The following DPP9 variants were observed in gnomAD, a reference collection of about 807,000 sequenced individuals.
The protein encoded by DPP9 is dipeptidyl peptidase 9, also known as dipeptidyl peptidase IV-related protein-2.
Under a neutral mutation model 110.7 loss-of-function variants are expected in DPP9, and 50 were observed. That is an observed-to-expected ratio of 0.45 (90% confidence interval 0.36 to 0.57). The LOEUF (loss-of-function observed/expected upper bound fraction) is 0.57. Ranked by LOEUF, DPP9 falls within the 20% of genes least tolerant of loss-of-function variation. DPP9 has a pLI of 0.00. For missense variants in DPP9, 1,022 were observed against 1,217.9 expected, an observed-to-expected ratio of 0.84 and a Z score of 2.39; for synonymous variants, 561 against 514.4, an observed-to-expected ratio of 1.09 and a Z score of -1.23.
Position 4,698,077 on chromosome 19 carries a change from C to T in DPP9, c.1075-426G>A, listed in dbSNP as rs2091949125. Among the ~76,000 whole-genome samples the T allele has an allele frequency of 6.6e-6, 1 of 151,264 alleles. No individual in the cohort carries two copies. The highest frequency in any genetic ancestry group is 2.1e-4 in the South Asian group (1 of 4,758). Reference sequence around the variant, plus strand: ...CATGGCCCAAACAAATGACTACACCCAACAGGGGCAGGTGGGCTGGGCAAG... The same window carrying T: ...CATGGCCCAAACAAATGACTACACCTAACAGGGGCAGGTGGGCTGGGCAAG... On this transcript the variant is annotated intron_variant, in intron 10 of 21. Coordinates refer to ENST00000262960, the MANE Select transcript of DPP9 (RefSeq NM_139159.5). The surrounding 1 kb of genome is among the most constrained non-coding windows in gnomAD (Gnocchi z 4.2).
In DPP9 at chr19:4,703,876, C is replaced by T; in HGVS notation, c.769+10G>A. On this transcript the variant is annotated intron_variant, in intron 7 of 21. Coordinates refer to ENST00000262960, the MANE Select transcript of DPP9 (RefSeq NM_139159.5). ...CTATGGTGGCCGTGCACAGGAGGGGCTGGCCCCACCTTGGTGGCAGAAGGT... is the reference window on the plus strand; with the variant it reads ...CTATGGTGGCCGTGCACAGGAGGGGTTGGCCCCACCTTGGTGGCAGAAGGT... 1.3e-6 allele frequency: 2 copies of T among 1,594,088 alleles called. No individual in the cohort carries two copies. Among genetic ancestry groups the T allele is most frequent in the Non-Finnish European group, 1.7e-6 (2 of 1,171,082 alleles).
In DPP9 at chr19:4,676,511, C is replaced by T. The variant is rs1286027985; in HGVS notation, c.*53G>A. On this transcript the variant is annotated 3_prime_UTR_variant, in exon 22 of 22. Coordinates refer to ENST00000262960, the MANE Select transcript of DPP9 (RefSeq NM_139159.5). This position sits in a 1 kb window ranked among gnomAD's most constrained non-coding sequence, Gnocchi z 4.0. ...ACTCAGTCCCTCCCGCCTGGTTCCCCGCGGAGGCTGCAGCCACTTGTGCTG... is the reference window on the plus strand; with the variant it reads ...ACTCAGTCCCTCCCGCCTGGTTCCCTGCGGAGGCTGCAGCCACTTGTGCTG... 4.0e-6 allele frequency: 6 copies of T among 1,485,386 alleles called. No homozygotes were observed. The South Asian group carries it at 4.8e-5, about 12-fold the overall frequency. The allele number at this position is 1,485,386 out of a possible 1,614,324, so 92.0% of individuals were successfully genotyped here.
rs1041615735 is a variant in DPP9, at chr19:4,682,019, T to G, written c.2474+677A>C. Among the ~76,000 whole-genome samples, 2 of 151,844 alleles carry G rather than the reference T, an allele frequency of 1.3e-5. No individual in the cohort carries two copies. The highest frequency in any genetic ancestry group is 2.9e-5 in the Non-Finnish European group (2 of 67,964). On this transcript the variant is annotated intron_variant, in intron 20 of 21. Transcript: ENST00000262960. This position sits in a 1 kb window ranked among gnomAD's most constrained non-coding sequence, Gnocchi z 7.1. ...ACCCGCCACCACACCCGGCTAATTT[T>G]TTGTATTTTTAGTAGAGACGGGGTT...
rs548509186 is a variant in DPP9 at position 4,683,035 on chromosome 19, G to A, written c.2332-197C>T. On this transcript the variant is annotated intron_variant, in intron 19 of 21. Transcript: ENST00000262960. ...TGCGTGGCATGGGGGTGGGCAGGGC[G>A]CCACAGGCGGGCAGGTGCGGCCCCT... 48 of 1,517,042 alleles carry A rather than the reference G, an allele frequency of 3.2e-5. 1 individual carries two copies. The Middle Eastern group carries it at 6.6e-4, about 21-fold the overall frequency. The allele number at this position is 1,517,042 out of a possible 1,614,324, so 94.0% of individuals were successfully genotyped here.
chr19:4,682,540 A>T lies in DPP9; in HGVS notation c.2474+156T>A, dbSNP rs2145357105. On this transcript the variant is annotated intron_variant, in intron 20 of 21. Transcript: ENST00000262960. The surrounding 1 kb of genome is among the most constrained non-coding windows in gnomAD (Gnocchi z 7.1). The stretch of plus-strand genomic sequence containing the variant: ...AGGGGACTGTGAGGCACATGCAGGC[A>T]GACGCCACCACAGGAGCACAGCGGG... Among the ~76,000 whole-genome samples, 1 of 152,298 alleles carries T rather than the reference A, an allele frequency of 6.6e-6. No homozygotes were observed. Among genetic ancestry groups the T allele is most frequent in the South Asian group, 2.1e-4 (1 of 4,828 alleles).
chr19:4,719,885 G>T lies in DPP9; in HGVS notation c.22C>A (p.Arg8Ser). 6.4e-7 allele frequency: 1 copy of T among 1,551,716 alleles called. No individual in the cohort carries two copies. Among genetic ancestry groups the T allele is most frequent in the Non-Finnish European group, 8.7e-7 (1 of 1,146,996 alleles). ...CTTCCGGTGTTCTCCTTGTCCAGGC[G>T]CAGTTTCTTAACCTTCCGCATTAAC... The part of the protein sequence containing the change: MRKVKKL[R>S]LDKENTGSWR... Residue 8 changes from arginine to serine, a missense_variant, in exon 3 of 22, where the codon CGC becomes AGC. Around this residue, in one of 3 missense-constraint regions of DPP9, gnomAD observed 810 missense variants for 920.6 expected, o/e 0.88. Transcript: ENST00000262960.
chr19:4,675,354 CT>C lies in DPP9; in HGVS notation c.*1209del, dbSNP rs997141933. ...TGGTTTGTTTCTTTTTTTTTTTTTT[CT>C]TTTCTTTTTACTTTTTTTTTTGCCC... On this transcript the variant is annotated 3_prime_UTR_variant, in exon 22 of 22. Coordinates refer to ENST00000262960, the MANE Select transcript of DPP9 (RefSeq NM_139159.5). 2.9e-5 allele frequency: 3 copies of C among 104,388 alleles called. No individual in the cohort carries two copies. The highest frequency in any genetic ancestry group is 1.1e-4 in the African/African-American group (3 of 28,050). 6.5% of individuals were successfully genotyped at this position (104,388 alleles called of 1,614,324 possible). A position where few individuals can be genotyped will look rare whatever the true frequency, so the allele number is the denominator to read the frequency against.
intron 3 of DPP9, among the ~76,000 whole-genome samples, chr19:4,715,198 T>C (rs1489642730): frequency 3.3e-5 from 5 of 151,880 alleles, no homozygotes; most frequent in Non-Finnish European, 1.5e-5. Flanking sequence ...GTTTTTTGTA[T>C]TTTTAGTAGA....
In DPP9 at chr19:4,714,130, C is replaced by A. The variant is rs777678684; in HGVS notation, c.264G>T (p.Val88=). 8 of 1,613,566 alleles carry A rather than the reference C, an allele frequency of 5.0e-6. No homozygotes were observed. Among genetic ancestry groups the A allele is most frequent in the Admixed American group, 3.3e-5 (2 of 60,006 alleles). The change falls in exon 4 of 22, where the codon GTG becomes GTT. Residue 88 remains valine (V), a synonymous_variant. Coordinates refer to ENST00000262960, the MANE Select transcript of DPP9 (RefSeq NM_139159.5). ...GGGGCCCAGACTCATCCGTCTTCTG[C>A]ACAAACTGGAAGTCGTGGGGCGCCT... ...VNKAPHDFQF[V]QKTDESGPHS...
chr19:4,716,409 A>G (rs10153452), intron 3 of DPP9, among the ~76,000 whole-genome samples: 116,627 of 152,086 alleles, frequency 0.77, 45,550 homozygotes, highest in African/African-American at 0.88. Context: ...AGGCCAAGGC[A>G]GGAGGATCAT....
chr19:4,708,991 C>T (rs942360777), intron 4 of DPP9, among the ~76,000 whole-genome samples: 3 of 152,230 alleles, frequency 2.0e-5, no homozygotes, highest in Admixed American at 6.5e-5. Flanking sequence ...AATCTTGGCT[C>T]GCTGCAACCT....
At position 4,704,276 on chromosome 19, in the gene DPP9, C is replaced by G; in HGVS notation, c.455G>C (p.Arg152Pro). The G allele has an allele frequency of 6.2e-7, 1 of 1,613,530 alleles. No individual in the cohort carries two copies. Among genetic ancestry groups the G allele is most frequent in the Non-Finnish European group, 8.5e-7 (1 of 1,179,884 alleles). Residue 152 changes from arginine to proline, a missense_variant, in exon 6 of 22, where the codon CGG becomes CCG. Arg to Pro is a moderately radical substitution (Grantham distance 103). Transcript: ENST00000262960. The surrounding 1 kb of genome is among the most constrained non-coding windows in gnomAD (Gnocchi z 6.0). The stretch of plus-strand genomic sequence containing the variant: ...CCGCTCCCTCAGCAGCTCCTCCTCC[C>G]GAGAGTAGACCCCATGGTGGGGCGT... ...QATPHHGVYSREEELLRERKR... is the reference protein window; with the variant it reads ...QATPHHGVYSPEEELLRERKR...
At chr19:4,681,748 G>A (rs540354965) in intron 20 of DPP9, among the ~76,000 whole-genome samples, 29 of 149,928 alleles carry the variant, frequency 1.9e-4, no homozygotes, top group Middle Eastern at 3.5e-3. Flanking sequence ...GTATTTTTTT[G>A]TAGAGACGGG....
chr19:4,703,445 G>A (rs111495237), intron 7 of DPP9, among the ~76,000 whole-genome samples: 15,366 of 149,482 alleles, frequency 0.1, 927 homozygotes, highest in Middle Eastern at 0.18. Context: ...GCCAACATGG[G>A]GAAACCTCGT....
At position 4,700,390 on chromosome 19, in the gene DPP9, A is replaced by G; in HGVS notation, c.1013-113T>C. The G allele has an allele frequency of 1.3e-6, 1 of 762,242 alleles. No individual in the cohort carries two copies. Among genetic ancestry groups the G allele is most frequent in the South Asian group, 2.4e-5 (1 of 40,948 alleles). The allele number at this position is 762,242 out of a possible 1,614,324, so 47.2% of individuals were successfully genotyped here. ...CGTCCACAGAGAGGTGTACAATTGG[A>G]GTGGGGGAGGCAGGAGAAGCCAGGT... is the stretch of plus-strand genomic sequence containing the variant. On this transcript the variant is annotated intron_variant, in intron 9 of 21. Coordinates refer to ENST00000262960, the MANE Select transcript of DPP9 (RefSeq NM_139159.5). This position sits in a 1 kb window ranked among gnomAD's most constrained non-coding sequence, Gnocchi z 4.3.
In DPP9 at chr19:4,719,930, G is replaced by A. The variant is rs2093243351; in HGVS notation, c.-24C>T. On this transcript the variant is annotated 5_prime_UTR_variant, in exon 3 of 22. Coordinates refer to ENST00000262960, the MANE Select transcript of DPP9 (RefSeq NM_139159.5). ...ATTAACCGCTCAGCTGACCTCAGGA[G>A]GGCAGGGGTGCCTGCGGGCAAGTGG... 6.4e-7 allele frequency: 1 copy of A among 1,551,568 alleles called. No homozygotes were observed. The highest frequency in any genetic ancestry group is 1.4e-5 in the African/African-American group (1 of 73,058).
chr19:4,705,910 C>A lies in DPP9; in HGVS notation c.374G>T (p.Arg125Leu). The A allele has an allele frequency of 6.2e-7, 1 of 1,613,966 alleles. No individual in the cohort carries two copies. The highest frequency in any genetic ancestry group is 8.5e-7 in the Non-Finnish European group (1 of 1,179,846). ...GGACAGGAGCAGCAGAGCCTCTTTCCGGACCTTCTTGGGAATCTCAGAGTA... is the reference window on the plus strand; with the variant it reads ...GGACAGGAGCAGCAGAGCCTCTTTCAGGACCTTCTTGGGAATCTCAGAGTA... ...LLYSEIPKKV[R>L]KEALLLLSWK... The change falls in exon 5 of 22, where the codon CGG becomes CTG. Residue 125 changes from arginine (R) to leucine (L), a missense_variant. By Grantham distance (102) the Arg-to-Leu change is moderately radical (BLOSUM62 -2). Around this residue, in one of 3 missense-constraint regions of DPP9, gnomAD observed 810 missense variants for 920.6 expected, o/e 0.88. Transcript: ENST00000262960.
chr19:4,714,701 T>C (rs1032580827), intron 3 of DPP9, among the ~76,000 whole-genome samples: 1 of 152,042 alleles, frequency 6.6e-6, no homozygotes, highest in Admixed American at 6.6e-5. Context: ...TTTGGCTGAA[T>C]GACTGAAACC....
chr19:4,684,027 C>A lies in DPP9; in HGVS notation c.2179-398G>T. On this transcript the variant is annotated intron_variant, in intron 18 of 21. Transcript: ENST00000262960. The surrounding 1 kb of genome is among the most constrained non-coding windows in gnomAD (Gnocchi z 4.8). ...GCCGTTGTCACTACCAGCCACATCC[C>A]CACCACCGCCACTGCCACGATTTCA... 1 of 379,950 alleles carries A rather than the reference C, an allele frequency of 2.6e-6. No individual in the cohort carries two copies. The highest frequency in any genetic ancestry group is 5.1e-6 in the Non-Finnish European group (1 of 197,174). The allele number at this position is 379,950 out of a possible 1,614,324, so 23.5% of individuals were successfully genotyped here.
Sources: allele counts gnomAD v4.1 joint callset (sites outside exome capture counted in the v4.1 genomes callset), GRCh38; gene constraint gnomAD v4.1.1; regional missense constraint gnomAD v4.1.1; non-coding constraint Gnocchi (gnomAD v3.1); transcripts MANE v1.5; gene names NCBI Gene and HGNC (gene_info 2026-07-23, HGNC 2026-07-21).